Variants in TCEANC2 observed in about 807,000 individuals in gnomAD.
TCEANC2 encodes the protein transcription elongation factor A N-terminal and central domain-containing protein 2.
A neutral mutation model predicts 22.8 loss-of-function variants in TCEANC2; 20 were observed. The ratio of observed to expected loss-of-function variants is 0.88; its 90% CI spans 0.62 to 1.28. The LOEUF (loss-of-function observed/expected upper bound fraction) is 1.28, where lower values mean the gene tolerates loss of function less well. Ranked by LOEUF, TCEANC2 falls within the 50% of genes most tolerant of loss-of-function variation. The pLI is 0.00. For synonymous variants in TCEANC2, 84 were observed against 95.5 expected, an observed-to-expected ratio of 0.88 and a Z score of 0.70; for missense variants, 251 against 249.7, an observed-to-expected ratio of 1.01 and a Z score of -0.03.
intron 4 of TCEANC2, among the ~76,000 whole-genome samples, chr1:54,093,862 T>C (rs958499635): frequency 6.6e-6 from 1 of 152,014 alleles, no homozygotes; most frequent in African/African-American, 2.4e-5. Flanking sequence ...ATGCTAAGTG[T>C]ATCTCTAACC....
rs1247430398 is a variant in TCEANC2, at chr1:54,088,766, ACT to A, written c.418_419del (p.Ser140ArgfsTer13). The A allele has an allele frequency of 1.3e-6, 2 of 1,594,346 alleles. No homozygotes were observed. Among genetic ancestry groups the A allele is most frequent in the African/African-American group, 2.7e-5 (2 of 73,832 alleles). On this transcript the variant is annotated frameshift_variant, in exon 4 of 5. Transcript: ENST00000234827. LOFTEE classifies it high-confidence loss of function. Reference protein sequence around the residue: ...ESLRKNAQKLLSEALELKMDH... With the variant: ...ESLRKNAQKLXSEALELKMDH... ...CGTTGAGGAAAAATGCTCAGAAATTACTCTCAGAAGCCTTGGAATTAAAGGTA... is the reference window on the plus strand; with the variant it reads ...CGTTGAGGAAAAATGCTCAGAAATTACTCAGAAGCCTTGGAATTAAAGGTA...
chr1:54,079,740 A>G (rs757589939), intron 3 of TCEANC2, among the ~76,000 whole-genome samples: 1 of 152,136 alleles, frequency 6.6e-6, no homozygotes, highest in Admixed American at 6.5e-5. Flanking sequence ...TCACATCTAT[A>G]GTCTCTTTTG....
At position 54,096,927 on chromosome 1, in the gene TCEANC2, C is replaced by T. The variant is rs1658569761; in HGVS notation, c.*454C>T. The stretch of plus-strand genomic sequence containing the variant: ...TAGCTCTGGTGCCTCTCAGAACTCC[C>T]CTGTCTGTTCTCTTTGCTCTATCCC... On this transcript the variant is annotated 3_prime_UTR_variant, in exon 5 of 5. Transcript: ENST00000234827. This position sits in a 1 kb window ranked among gnomAD's most constrained non-coding sequence, Gnocchi z 4.9. The T allele has an allele frequency of 1.0e-6, 1 of 987,072 alleles. No individual in the cohort carries two copies. Among genetic ancestry groups the T allele is most frequent in the Non-Finnish European group, 1.2e-6 (1 of 830,868 alleles). 61.1% of individuals were successfully genotyped at this position (987,072 alleles called of 1,614,324 possible).
At chr1:54,069,152 A>T (rs1658011194) in intron 3 of TCEANC2, among the ~76,000 whole-genome samples, 1 of 152,248 alleles carries the variant, frequency 6.6e-6, no homozygotes, top group African/African-American at 2.4e-5. Context: ...CAGATATAGG[A>T]TTACTCTTGT....
At chr1:54,092,765 A>G (rs1456798899) in intron 4 of TCEANC2, among the ~76,000 whole-genome samples, 10 of 152,214 alleles carry the variant, frequency 6.6e-5, no homozygotes, top group Admixed American at 3.9e-4. Flanking sequence ...GAGCTTATGC[A>G]TGTGGCAGAC....
At chr1:54,080,645 T>C (rs1209122461) in intron 3 of TCEANC2, among the ~76,000 whole-genome samples, 1 of 152,242 alleles carries the variant, frequency 6.6e-6, no homozygotes. Flanking sequence ...GCTCCTTGAA[T>C]ACAGATTAGT....
At chr1:54,069,599 G>A (rs1234182523) in intron 3 of TCEANC2, among the ~76,000 whole-genome samples, 1 of 140,472 alleles carries the variant, frequency 7.1e-6, no homozygotes, top group African/African-American at 2.7e-5. Flanking sequence ...CTCAGACTCT[G>A]TCTCAAAAAA....
At chr1:54,095,420 G>T (rs1206572318) in intron 4 of TCEANC2, among the ~76,000 whole-genome samples, 2 of 152,128 alleles carry the variant, frequency 1.3e-5, no homozygotes, top group African/African-American at 2.4e-5. Context: ...TTGGGGAGGG[G>T]AATAGCTGAA....
intron 2 of TCEANC2, among the ~76,000 whole-genome samples, chr1:54,055,055 G>T (rs1251146318): frequency 1.3e-5 from 2 of 152,136 alleles, no homozygotes; most frequent in Non-Finnish European, 2.9e-5. Flanking sequence ...TTGACTCACT[G>T]CAACCTCCAC....
At chr1:54,111,983 C>G (rs1341032141) in exon 5 of TCEANC2, 2 of 152,218 alleles carry the variant, frequency 1.3e-5, no homozygotes, top group Non-Finnish European at 2.9e-5. Flanking sequence ...TCTTCACTTT[C>G]TCTTCAGCTC....
Position 54,102,768 on chromosome 1 carries a change from GCT to G in TCEANC2, c.*6297_*6298del, listed in dbSNP as rs1259748740. The stretch of plus-strand genomic sequence containing the variant: ...CCATGCCTTATCCTTAGATAGGTCA[GCT>G]CAGTGTGTGTGAGCAAGACAAAAAA... On this transcript the variant is annotated 3_prime_UTR_variant, in exon 5 of 5. Coordinates refer to ENST00000234827, the MANE Select transcript of TCEANC2 (RefSeq NM_153035.3). 1.3e-5 allele frequency: 2 copies of G among 152,282 alleles called. No individual in the cohort carries two copies. The highest frequency in any genetic ancestry group is 1.5e-5 in the Non-Finnish European group (1 of 68,076). 9.4% of individuals were successfully genotyped at this position (152,282 alleles called of 1,614,324 possible).
intron 3 of TCEANC2, among the ~76,000 whole-genome samples, chr1:54,070,696 T>C (rs1221216812): frequency 6.6e-6 from 1 of 152,236 alleles, no homozygotes; most frequent in Non-Finnish European, 1.5e-5. Context: ...AAGATTTCAT[T>C]TGGATCATTG....
Position 54,054,523 on chromosome 1 carries a change from A to G in TCEANC2, c.101A>G (p.Lys34Arg). The change falls in exon 2 of 5, where the codon AAG becomes AGG. Residue 34 changes from lysine to arginine, a missense_variant and splice_region_variant. Coordinates refer to ENST00000234827, the MANE Select transcript of TCEANC2 (RefSeq NM_153035.3). ...AAGCAGGCCACGATTGAATCTCTGA[A>G]GGTGAGAGGGGATCTGGGGCTAGAG... is the stretch of plus-strand genomic sequence containing the variant. ...VYKQATIESLKRVVVVEDIKR... is the reference protein window; with the variant it reads ...VYKQATIESLRRVVVVEDIKR... 1 of 1,611,896 alleles carries G rather than the reference A, an allele frequency of 6.2e-7. No homozygotes were observed. Among genetic ancestry groups the G allele is most frequent in the South Asian group, 1.1e-5 (1 of 90,736 alleles).
intron 4 of TCEANC2, among the ~76,000 whole-genome samples, chr1:54,091,543 C>T (rs989870018): frequency 6.6e-6 from 1 of 152,172 alleles, no homozygotes; most frequent in Non-Finnish European, 1.5e-5. Flanking sequence ...TGTTGTTTCA[C>T]TCATATCCTT....
intron 3 of TCEANC2, among the ~76,000 whole-genome samples, chr1:54,082,415 GT>G (rs1658264298): frequency 6.6e-6 from 1 of 152,158 alleles, no homozygotes; most frequent in Non-Finnish European, 1.5e-5. Context: ...AAATGTAAAT[GT>G]TTTTTATTTA....
intron 2 of TCEANC2, among the ~76,000 whole-genome samples, chr1:54,057,217 CT>C (rs1557685238): frequency 1.4e-5 from 2 of 144,040 alleles, no homozygotes; most frequent in Admixed American, 1.4e-4. Flanking sequence ...ATCCAATTTT[CT>C]TTTTTCTTTG....
At chr1:54,078,042 C>T (rs1658173178) in intron 3 of TCEANC2, among the ~76,000 whole-genome samples, 1 of 152,168 alleles carries the variant, frequency 6.6e-6, no homozygotes, top group Non-Finnish European at 1.5e-5. Flanking sequence ...AATTTACATT[C>T]CTACCATTTT....
rs1409482362 is a variant in TCEANC2 at position 54,088,660 on chromosome 1, T to G, written c.308T>G (p.Val103Gly). Residue 103 changes from valine to glycine, a missense_variant, in exon 4 of 5, where the codon GTT (valine) becomes GGT (glycine). Transcript: ENST00000234827. ...DSEVASLARE[V>G]YTEWKTFTEK... ...GAAGTGGCTTCTCTTGCCAGAGAAGTTTACACTGAGTGGAAAACTTTCACT... is the reference window on the plus strand; with the variant it reads ...GAAGTGGCTTCTCTTGCCAGAGAAGGTTACACTGAGTGGAAAACTTTCACT... 6.2e-7 allele frequency: 1 copy of G among 1,610,414 alleles called. No individual in the cohort carries two copies. Among genetic ancestry groups the G allele is most frequent in the South Asian group, 1.1e-5 (1 of 90,510 alleles).
chr1:54,054,455 C>G lies in TCEANC2; in HGVS notation c.33C>G (p.Ile11Met). 1 of 1,614,032 alleles carries G rather than the reference C, an allele frequency of 6.2e-7. No homozygotes were observed. Among genetic ancestry groups the G allele is most frequent in the Non-Finnish European group, 8.5e-7 (1 of 1,179,996 alleles). Residue 11 changes from isoleucine (I) to methionine (M), a missense_variant, in exon 2 of 5, where the codon ATC (isoleucine) becomes ATG (methionine). Ile to Met is a conservative substitution (Grantham distance 10, BLOSUM62 1). Coordinates refer to ENST00000234827, the MANE Select transcript of TCEANC2 (RefSeq NM_153035.3). MDKFVIRTPR[I>M]QNSPQKKDSG... is the part of the protein sequence containing the mutation. ...AATTCGTCATTCGAACGCCTAGAAT[C>G]CAGAATAGCCCTCAGAAGAAAGATT...
Sources: allele counts gnomAD v4.1 joint callset (sites outside exome capture counted in the v4.1 genomes callset), GRCh38; gene constraint gnomAD v4.1.1; non-coding constraint Gnocchi (gnomAD v3.1); transcripts MANE v1.5; gene names NCBI Gene and HGNC (gene_info 2026-07-23, HGNC 2026-07-21).